TPX2: variants seen among roughly 807,000 people sequenced by gnomAD.
TPX2 encodes targeting protein for Xklp2.
Under a neutral mutation model 93.6 loss-of-function variants are expected in TPX2, and 21 were observed. The observed-to-expected ratio is 0.22, with a 90% CI of 0.16 to 0.32. The LOEUF is 0.32. TPX2 is among the 10% of genes least tolerant of loss of function. The probability of loss-of-function intolerance (pLI) is 1.00; values close to 1 mark genes in which losing one functional copy is unlikely to be tolerated. For missense variants in TPX2, 776 were observed against 871.1 expected (o/e 0.89, Z 1.37); for synonymous variants, 281 against 298.3 (o/e 0.94, Z 0.60).
chr20:31,770,458 A>C lies in TPX2; in HGVS notation c.472A>C (p.Lys158Gln). 1 of 1,578,828 alleles carries C rather than the reference A, an allele frequency of 6.3e-7. No individual in the cohort carries two copies. The highest frequency in any genetic ancestry group is 2.3e-5 in the East Asian group (1 of 43,468). Residue 158 changes from lysine to glutamine, a missense_variant, in exon 6 of 18, where the codon AAG (lysine) becomes CAG (glutamine). Physicochemically the swap from Lys to Gln is moderately conservative, Grantham distance 53. This residue lies in a region of TPX2 where 279 missense variants were observed against 261.6 expected (regional missense o/e 1.07). Coordinates refer to ENST00000300403, the MANE Select transcript of TPX2 (RefSeq NM_012112.5). ...AATCATCGATGAAATTCTACCCTCT[A>C]AGAAAATGAAAGTGTGAGTAGCCAC... ...PVIIDEILPS[K>Q]KMKVSNNKKK...
intron 4 of TPX2, among the ~76,000 whole-genome samples, chr20:31,760,807 G>A (rs186304095): frequency 2.2e-4 from 34 of 152,288 alleles, no homozygotes; most frequent in Admixed American, 2.1e-3. Flanking sequence ...TTTGAGTTAT[G>A]TATCTGATTT....
chr20:31,797,382 T>C, intron 15 of TPX2, 22 bp from the exon 16 acceptor site: 1 of 1,612,308 alleles, frequency 6.2e-7, no homozygotes, highest in Non-Finnish European at 8.5e-7. Context: ...ATTGCTCATC[T>C]GACTGACTTT....
chr20:31,799,397 G>GAT (rs2062156543), intron 17 of TPX2, among the ~76,000 whole-genome samples: 2 of 152,288 alleles, frequency 1.3e-5, no homozygotes, highest in South Asian at 4.1e-4. Flanking sequence ...TGTAGTTAAT[G>GAT]ATATATTGTA....
chr20:31,741,641 G>A (rs1000225388), intron 1 of TPX2, among the ~76,000 whole-genome samples: 2 of 152,128 alleles, frequency 1.3e-5, no homozygotes, highest in Non-Finnish European at 2.9e-5. Context: ...ACCACACCCG[G>A]CTAGTTTTTT....
In TPX2 at chr20:31,794,755, AGTGTGTGT is replaced by A. The variant is rs35018680; in HGVS notation, c.1833+236_1833+243del. On this transcript the variant is annotated intron_variant, in intron 15 of 17. Transcript: ENST00000300403. ...AGGTTACATATGGTCTCTGTCGCAT[AGTGTGTGT>A]GTGTGTGTGTGTGTGTGTGTGTGTG... Among the ~76,000 whole-genome samples the A allele has an allele frequency of 3.2e-3, 472 of 145,494 alleles. 2 individuals carry two copies. Among genetic ancestry groups the A allele is most frequent in the African/African-American group, 9.8e-3 (389 of 39,504 alleles).
chr20:31,749,599 C>T (rs1162920060), intron 2 of TPX2, among the ~76,000 whole-genome samples: 1 of 151,722 alleles, frequency 6.6e-6, no homozygotes, highest in Non-Finnish European at 1.5e-5. Flanking sequence ...AGTTCAAGAC[C>T]AGCCTGGCCA....
chr20:31,757,319 G>T, intron 2 of TPX2, 88 bp from the exon 3 acceptor site: 1 of 618,996 alleles, frequency 1.6e-6, no homozygotes, highest in African/African-American at 1.9e-5. Flanking sequence ...TAAATTCTAG[G>T]TGGTTTGCAA....
chr20:31,745,617 CTAAT>C (rs1303198590), intron 2 of TPX2, among the ~76,000 whole-genome samples: 1 of 152,180 alleles, frequency 6.6e-6, no homozygotes, highest in African/African-American at 2.4e-5. Flanking sequence ...CATGAGCCAT[CTAAT>C]AAACACTTTT....
intron 3 of TPX2, among the ~76,000 whole-genome samples, chr20:31,759,145 G>C (rs1319176502): frequency 6.6e-6 from 1 of 152,006 alleles, no homozygotes; most frequent in African/African-American, 2.4e-5. Flanking sequence ...ACATGCACAG[G>C]GTAGTTATTG....
chr20:31,775,238 A>G (rs1470865013), intron 7 of TPX2, among the ~76,000 whole-genome samples: 1 of 151,518 alleles, frequency 6.6e-6, no homozygotes, highest in Non-Finnish European at 1.5e-5. Flanking sequence ...GGTTACAGGC[A>G]TGAGCCACTG....
intron 2 of TPX2, among the ~76,000 whole-genome samples, chr20:31,755,243 C>T (rs950656967): frequency 5.3e-5 from 8 of 151,438 alleles, no homozygotes; most frequent in African/African-American, 7.3e-5. Context: ...CCACCGTGCC[C>T]GGCCGCTTTT....
chr20:31,773,634 T>G (rs938583317), intron 7 of TPX2, among the ~76,000 whole-genome samples: 1 of 152,172 alleles, frequency 6.6e-6, no homozygotes, highest in Non-Finnish European at 1.5e-5. Context: ...TTTCTTATTA[T>G]CTCATCTGCA....
At chr20:31,766,243 CT>C (rs2061924033) in intron 4 of TPX2, among the ~76,000 whole-genome samples, 1 of 151,542 alleles carries the variant, frequency 6.6e-6, no homozygotes, top group South Asian at 2.1e-4. Context: ...GATTTTTTTT[CT>C]TCTTTATGGA....
At chr20:31,777,052 TG>T (rs1230191669) in intron 8 of TPX2, among the ~76,000 whole-genome samples, 1 of 152,206 alleles carries the variant, frequency 6.6e-6, no homozygotes, top group African/African-American at 2.4e-5. Flanking sequence ...GAGTTGTTAT[TG>T]GTGGAGTCAT....
chr20:31,770,287 T>G, intron 5 of TPX2, 56 bp from the exon 6 acceptor site: 2 of 1,208,040 alleles, frequency 1.7e-6, no homozygotes, highest in Non-Finnish European at 2.2e-6. Context: ...TCAGGAACAT[T>G]TGGATATCTG....
At chr20:31,742,747 G>A (rs1483980473) in intron 2 of TPX2, 100 bp downstream of exon 2, 1 of 152,086 alleles carries the variant, frequency 6.6e-6, no homozygotes, top group Non-Finnish European at 1.5e-5. Flanking sequence ...ATTTTGGAAG[G>A]AAATTTATTT....
chr20:31,795,356 A>G (rs2062131542), intron 15 of TPX2, among the ~76,000 whole-genome samples: 1 of 152,202 alleles, frequency 6.6e-6, no homozygotes, highest in Non-Finnish European at 1.5e-5. Flanking sequence ...CTGGTCTCAA[A>G]CTCCTGATCT....
chr20:31,751,436 C>T (rs984019446), intron 2 of TPX2, among the ~76,000 whole-genome samples: 2 of 152,130 alleles, frequency 1.3e-5, no homozygotes, highest in Non-Finnish European at 2.9e-5. Flanking sequence ...GGAAAATTTC[C>T]TCCTTGCAGC....
chr20:31,798,625 C>G (rs2062152359), intron 17 of TPX2, 73 bp downstream of exon 17: 2 of 1,462,480 alleles, frequency 1.4e-6, no homozygotes, highest in Non-Finnish European at 1.8e-6. Flanking sequence ...TACCTTGTAC[C>G]AGACAGGATC....
Sources: gnomAD v4.1 joint callset for allele counts (sites outside exome capture counted in the v4.1 genomes callset) on GRCh38, gnomAD v4.1.1 for gene constraint, gnomAD v4.1.1 regional missense constraint, MANE v1.5 for transcripts, NCBI Gene and HGNC (gene_info 2026-07-23, HGNC 2026-07-21) for gene names.